Variants in MITF observed in about 807,000 individuals in gnomAD.
MITF encodes melanocyte inducing transcription factor.
A neutral mutation model predicts 60.5 loss-of-function variants in MITF; 17 were observed. The ratio of observed to expected loss-of-function variants is 0.28; its 90% CI spans 0.19 to 0.42. MITF has a LOEUF of 0.42. Ranked by LOEUF, MITF falls within the 10% of genes least tolerant of loss-of-function variation. The pLI, the probability that MITF is intolerant of heterozygous loss-of-function variation, is 1.00. For synonymous variants in MITF, 260 were observed against 248.5 expected (o/e 1.05, Z -0.43); for missense variants, 622 against 683.5 (o/e 0.91, Z 1.00).
chr3:69,842,929 G>A (rs1402734602), intron 1 of MITF, among the ~76,000 whole-genome samples: 5 of 152,108 alleles, frequency 3.3e-5, no homozygotes, highest in Non-Finnish European at 7.3e-5. Flanking sequence ...TTTTTCTTGT[G>A]GAGAGTTTCG....
At chr3:69,763,844 G>GGGAC (rs2062247568) in intron 1 of MITF, 1 of 1,369,596 alleles carries the variant, frequency 7.3e-7, no homozygotes. Flanking sequence ...GAAGTCAAAT[G>GGGAC]GGACACCTTG....
chr3:69,956,630 A>G, intron 8 of MITF, 100 bp downstream of exon 8: 1 of 921,452 alleles, frequency 1.1e-6, no homozygotes, highest in East Asian at 2.6e-5. Flanking sequence ...AAAGTAAAGA[A>G]GTCTCCCCTC....
At chr3:69,836,646 T>C (rs1009194985) in intron 1 of MITF, among the ~76,000 whole-genome samples, 28 of 152,242 alleles carry the variant, frequency 1.8e-4, no homozygotes, top group African/African-American at 6.8e-4. Context: ...AGCTTGTCTG[T>C]GGGTCCAGAG....
At chr3:69,947,053 C>T (rs2066115269) in intron 5 of MITF, among the ~76,000 whole-genome samples, 1 of 152,150 alleles carries the variant, frequency 6.6e-6, no homozygotes, top group African/African-American at 2.4e-5. Context: ...ATCTGTTCAA[C>T]ATAGGTCTAT....
chr3:69,888,683 C>T (rs2064682595), intron 2 of MITF, among the ~76,000 whole-genome samples: 1 of 152,084 alleles, frequency 6.6e-6, no homozygotes, highest in Non-Finnish European at 1.5e-5. Context: ...ATTACCCACA[C>T]GTTTCAAGAC....
Position 69,794,509 on chromosome 3 carries a change from T to C in MITF, c.104+54808T>C, listed in dbSNP as rs150321715. Among the ~76,000 whole-genome samples, 1 of 152,308 alleles carries C rather than the reference T, an allele frequency of 6.6e-6. No individual in the cohort carries two copies. Among genetic ancestry groups the C allele is most frequent in the African/African-American group, 2.4e-5 (1 of 41,556 alleles). On this transcript the variant is annotated intron_variant, in intron 1 of 9. Transcript: ENST00000352241. Reference sequence around the variant, plus strand: ...GTGCATCTCCCTTCTTGTGCCTTAATGGCAAGGTAAGATGCTGGAGAACCA... The same window carrying C: ...GTGCATCTCCCTTCTTGTGCCTTAACGGCAAGGTAAGATGCTGGAGAACCA...
intron 5 of MITF, 81 bp from the exon 6 acceptor site, chr3:69,948,970 T>C: frequency 9.9e-7 from 1 of 1,008,130 alleles, no homozygotes; most frequent in Non-Finnish European, 1.6e-6. Context: ...AAATAAATCC[T>C]AGAGTAGGAT....
chr3:69,863,966 A>T (rs2064063882), intron 1 of MITF, among the ~76,000 whole-genome samples: 1 of 151,206 alleles, frequency 6.6e-6, no homozygotes. Flanking sequence ...TGTTTTTTTC[A>T]CTCTGTCTCA....
In MITF at chr3:69,841,074, C is replaced by T. The variant is rs139310687; in HGVS notation, c.105-38060C>T. 2.2e-3 allele frequency among the ~76,000 whole-genome samples: 328 copies of T among 152,224 alleles called. 1 individual carries two copies. Among genetic ancestry groups the T allele is most frequent in the African/African-American group, 6.9e-3 (286 of 41,552 alleles). On this transcript the variant is annotated intron_variant, in intron 1 of 9. Transcript: ENST00000352241. ...CCAGGCCTCTAAACTGCTTTTTACT[C>T]CTAGTTGTGTGTTGCCAGTTCAGAA...
intron 2 of MITF, among the ~76,000 whole-genome samples, chr3:69,935,172 C>A (rs905169364): frequency 2.6e-5 from 4 of 152,152 alleles, no homozygotes; most frequent in Admixed American, 2.0e-4. Context: ...GATGTTCTGT[C>A]TACTGCATAG....
intron 1 of MITF, among the ~76,000 whole-genome samples, chr3:69,779,226 T>A (rs1037009780): frequency 1.3e-5 from 2 of 152,192 alleles, no homozygotes; most frequent in African/African-American, 4.8e-5. Context: ...TGTACCCCGA[T>A]GCTGTGTGAT....
At chr3:69,920,254 C>T (rs909764866) in intron 2 of MITF, among the ~76,000 whole-genome samples, 7 of 152,098 alleles carry the variant, frequency 4.6e-5, no homozygotes, top group Non-Finnish European at 7.4e-5. Flanking sequence ...CGTGGTCTAG[C>T]GGTAGCGGAA....
At chr3:69,802,560 A>G (rs1019375446) in intron 1 of MITF, among the ~76,000 whole-genome samples, 2 of 151,400 alleles carry the variant, frequency 1.3e-5, no homozygotes, top group African/African-American at 4.9e-5. Context: ...AACTGAGGTG[A>G]TGTGTGAGGG....
intron 1 of MITF, chr3:69,763,555 T>G (rs748257808): frequency 3.9e-5 from 45 of 1,146,292 alleles, no homozygotes; most frequent in Admixed American, 1.0e-4. Context: ...ACTCTATCTC[T>G]AATTTAGCCT....
intron 1 of MITF, among the ~76,000 whole-genome samples, chr3:69,856,318 A>C (rs1419474234): frequency 1.3e-5 from 2 of 152,192 alleles, no homozygotes; most frequent in African/African-American, 4.8e-5. Context: ...GTTATCATAC[A>C]TGGAAGCCAC....
intron 1 of MITF, among the ~76,000 whole-genome samples, chr3:69,800,592 A>G (rs2106949272): frequency 6.6e-6 from 1 of 152,238 alleles, no homozygotes; most frequent in South Asian, 2.1e-4. Flanking sequence ...TCAGGGTGCC[A>G]GTTTTTCCAC....
At chr3:69,774,139 A>C (rs2062437260) in intron 1 of MITF, among the ~76,000 whole-genome samples, 3 of 152,300 alleles carry the variant, frequency 2.0e-5, no homozygotes. Context: ...ATATCCTTTA[A>C]AAATGTTTAA....
intron 1 of MITF, among the ~76,000 whole-genome samples, chr3:69,857,521 A>C (rs1021022961): frequency 2.0e-5 from 3 of 150,856 alleles, no homozygotes; most frequent in Admixed American, 2.0e-4. Flanking sequence ...ACGTGATCTC[A>C]TGGTTTTTTT....
In MITF at chr3:69,930,698, G is replaced by A. The variant is rs1222015398; in HGVS notation, c.355-7124G>A. ...AACATATGAAAGCCTTGCTGCTCGGGATGTAGTGTGTTCCCTGGACCGGCT... is the reference window on the plus strand; with the variant it reads ...AACATATGAAAGCCTTGCTGCTCGGAATGTAGTGTGTTCCCTGGACCGGCT... On this transcript the variant is annotated intron_variant, in intron 2 of 9. Coordinates refer to ENST00000352241, the MANE Select transcript of MITF (RefSeq NM_001354604.2). Among the ~76,000 whole-genome samples, 2 of 152,242 alleles carry A rather than the reference G, an allele frequency of 1.3e-5. 1 individual carries two copies. Among genetic ancestry groups the A allele is most frequent in the African/African-American group, 4.8e-5 (2 of 41,468 alleles).
Sources: gnomAD v4.1 joint callset for allele counts (sites outside exome capture counted in the v4.1 genomes callset) on GRCh38, gnomAD v4.1.1 for gene constraint, MANE v1.5 for transcripts, NCBI Gene and HGNC (gene_info 2026-07-23, HGNC 2026-07-21) for gene names.